Variants in MYO5B observed in about 807,000 individuals in gnomAD.
The protein encoded by MYO5B is unconventional myosin-Vb.
In MYO5B, 143 loss-of-function variants were observed where a neutral mutation model predicts 229.3. The ratio of observed to expected loss-of-function variants is 0.62; its 90% CI spans 0.54 to 0.72. The LOEUF (loss-of-function observed/expected upper bound fraction) is 0.72, where lower values mean the gene tolerates loss of function less well. MYO5B is among the 30% of genes least tolerant of loss of function. MYO5B has a pLI of 0.00. For missense variants in MYO5B, 2,321 were observed against 2,331.0 expected, an observed-to-expected ratio of 1.00 and a Z score of 0.09; for synonymous variants, 918 against 885.2, an observed-to-expected ratio of 1.04 and a Z score of -0.66.
At chr18:49,913,847 C>G (rs191107699) in intron 17 of MYO5B, among the ~76,000 whole-genome samples, 2 of 151,886 alleles carry the variant, frequency 1.3e-5, no homozygotes, top group African/African-American at 4.8e-5. Context: ...CAGAACAGCA[C>G]GACAGAAAGA....
chr18:50,134,492 T>C (rs992873167), intron 1 of MYO5B, among the ~76,000 whole-genome samples: 2 of 151,492 alleles, frequency 1.3e-5, no homozygotes, highest in South Asian at 2.1e-4. Context: ...GAGGCGGAGG[T>C]TGCAGTGAGC....
chr18:50,194,836 C>A lies in MYO5B; in HGVS notation c.-43G>T. The stretch of plus-strand genomic sequence containing the variant: ...GCTCGGGCCCCGGCTCCTGGCTGCC[C>A]CGCGGCTCTCAGTCCGCGGCTGGCC... On this transcript the variant is annotated 5_prime_UTR_variant, in exon 1 of 40. Transcript: ENST00000285039. 1 of 1,289,146 alleles carries A rather than the reference C, an allele frequency of 7.8e-7. No homozygotes were observed. The highest frequency in any genetic ancestry group is 2.5e-5 in the South Asian group (1 of 40,026). The allele number at this position is 1,289,146 out of a possible 1,614,324, so 79.9% of individuals were successfully genotyped here. A position where few individuals can be genotyped will look rare whatever the true frequency, so the allele number is the denominator to read the frequency against.
At chr18:50,019,122 T>G (rs1369722548) in intron 4 of MYO5B, among the ~76,000 whole-genome samples, 1 of 152,180 alleles carries the variant, frequency 6.6e-6, no homozygotes, top group Non-Finnish European at 1.5e-5. Flanking sequence ...GACCACTAAA[T>G]GAAACCTCAT....
In MYO5B at chr18:49,902,727, G is replaced by C; in HGVS notation, c.2678C>G (p.Ala893Gly). 1 of 1,610,380 alleles carries C rather than the reference G, an allele frequency of 6.2e-7. No individual in the cohort carries two copies. The highest frequency in any genetic ancestry group is 1.7e-5 in the Admixed American group (1 of 60,018). Reference sequence around the variant, plus strand: ...CCGCCTGGCCTTGAGCATCCGGAAGGCACACTGGATGACAATGGCTGCATC... The same window carrying C: ...CCGCCTGGCCTTGAGCATCCGGAAGCCACACTGGATGACAATGGCTGCATC... ...LRDAAIVIQCAFRMLKARREL... is the reference protein window; with the variant it reads ...LRDAAIVIQCGFRMLKARREL... Residue 893 changes from alanine to glycine, a missense_variant, in exon 21 of 40, where the codon GCC becomes GGC. By Grantham distance (60) the Ala-to-Gly change is moderately conservative (BLOSUM62 0). Around this residue, in one of 2 missense-constraint regions of MYO5B, gnomAD observed 2,113 missense variants for 2,044.7 expected, o/e 1.03. Coordinates refer to ENST00000285039, the MANE Select transcript of MYO5B (RefSeq NM_001080467.3).
chr18:50,050,455 TATA>T (rs1305053463), intron 2 of MYO5B, among the ~76,000 whole-genome samples: 2 of 152,242 alleles, frequency 1.3e-5, no homozygotes, highest in South Asian at 2.1e-4. Flanking sequence ...AGGACCTTGC[TATA>T]ATGTCTTCAT....
At chr18:49,841,795 C>T (rs1028937918) in intron 34 of MYO5B, among the ~76,000 whole-genome samples, 5 of 152,232 alleles carry the variant, frequency 3.3e-5, no homozygotes, top group Non-Finnish European at 7.3e-5. Flanking sequence ...CCCGGGCTCT[C>T]GTCTAACCGC....
chr18:50,018,121 C>G (rs1303393331), intron 4 of MYO5B, among the ~76,000 whole-genome samples: 2 of 152,114 alleles, frequency 1.3e-5, no homozygotes, highest in East Asian at 1.9e-4. Context: ...GCTGTCTTGT[C>G]CAGGCTGGAT....
chr18:49,867,331 G>A (rs1479997143), intron 27 of MYO5B, among the ~76,000 whole-genome samples: 1 of 152,198 alleles, frequency 6.6e-6, no homozygotes, highest in Admixed American at 6.5e-5. Context: ...ATTGAGACAA[G>A]ATGGGGTTTC....
intron 1 of MYO5B, among the ~76,000 whole-genome samples, chr18:50,110,249 T>G (rs925987654): frequency 6.6e-6 from 1 of 152,042 alleles, no homozygotes; most frequent in African/African-American, 2.4e-5. Flanking sequence ...ATTTCATGTC[T>G]CCTTTCTCTG....
At chr18:50,108,246 T>C (rs2144512728) in intron 1 of MYO5B, among the ~76,000 whole-genome samples, 1 of 152,336 alleles carries the variant, frequency 6.6e-6, no homozygotes, top group Middle Eastern at 3.4e-3. Flanking sequence ...TTGCTTCTCT[T>C]ATAATTTAAC....
chr18:50,125,428 A>T (rs1040793041), intron 1 of MYO5B, among the ~76,000 whole-genome samples: 4 of 151,760 alleles, frequency 2.6e-5, no homozygotes, highest in Admixed American at 2.0e-4. Context: ...GTAAATGACG[A>T]GTTAATGGGT....
At chr18:50,176,930 T>C (rs1256871409) in intron 1 of MYO5B, among the ~76,000 whole-genome samples, 1 of 152,230 alleles carries the variant, frequency 6.6e-6, no homozygotes, top group African/African-American at 2.4e-5. Context: ...TGGTTACATC[T>C]GAAGTCGTCT....
intron 4 of MYO5B, among the ~76,000 whole-genome samples, chr18:50,021,972 C>T (rs1358308248): frequency 2.0e-5 from 3 of 152,156 alleles, no homozygotes; most frequent in Non-Finnish European, 4.4e-5. Flanking sequence ...GTTTTACCTG[C>T]ATTGTACAGT....
At chr18:49,872,067 A>G in intron 27 of MYO5B, 100 bp downstream of exon 27, 1 of 1,113,916 alleles carries the variant, frequency 9.0e-7, no homozygotes, top group Non-Finnish European at 1.4e-6. Context: ...TCTCCTTGTT[A>G]GCAGACTGGG....
intron 2 of MYO5B, among the ~76,000 whole-genome samples, chr18:50,043,309 A>ATATT (rs2030085414): frequency 9.8e-6 from 1 of 102,056 alleles, no homozygotes; most frequent in Non-Finnish European, 1.9e-5. Flanking sequence ...AATATATAAT[A>ATATT]TAAATATATA....
chr18:50,051,793 T>G (rs769830748), intron 2 of MYO5B, among the ~76,000 whole-genome samples: 1 of 152,236 alleles, frequency 6.6e-6, no homozygotes, highest in Non-Finnish European at 1.5e-5. Flanking sequence ...AAATACTGTA[T>G]GATTCCACTT....
At chr18:49,979,610 T>G (rs192770232) in intron 9 of MYO5B, among the ~76,000 whole-genome samples, 167 of 152,332 alleles carry the variant, frequency 1.1e-3, no homozygotes, top group Non-Finnish European at 1.4e-3. Flanking sequence ...ACACGTGCCC[T>G]CAGGTAGTGT....
intron 26 of MYO5B, among the ~76,000 whole-genome samples, chr18:49,872,742 A>G (rs748737680): frequency 6.6e-6 from 1 of 152,180 alleles, no homozygotes; most frequent in Non-Finnish European, 1.5e-5. Context: ...GATGGCCAAA[A>G]ACATGGGAAG....
intron 7 of MYO5B, among the ~76,000 whole-genome samples, chr18:49,990,085 A>G (rs747751913): frequency 2.0e-5 from 3 of 152,326 alleles, no homozygotes; most frequent in Non-Finnish European, 4.4e-5. Context: ...TATATGATGT[A>G]TATTACTTTT....
Sources: allele counts gnomAD v4.1 joint callset (sites outside exome capture counted in the v4.1 genomes callset), GRCh38; gene constraint gnomAD v4.1.1; regional missense constraint gnomAD v4.1.1; transcripts MANE v1.5; gene names NCBI Gene and HGNC (gene_info 2026-07-23, HGNC 2026-07-21).